FAM178B: variants seen among roughly 807,000 people sequenced by gnomAD.
FAM178B encodes family with sequence similarity 178 member B, also known as protein FAM178B.
In FAM178B, 82 loss-of-function variants were observed where a neutral mutation model predicts 91.7. That is an observed-to-expected ratio of 0.89 (90% CI 0.75 to 1.07). FAM178B has a LOEUF of 1.07. FAM178B is among the 50% of genes least tolerant of loss of function. The pLI, the probability that FAM178B is intolerant of heterozygous loss-of-function variation, is 0.00. For synonymous variants in FAM178B, 368 were observed against 359.4 expected, an observed-to-expected ratio of 1.02 and a Z score of -0.27; for missense variants, 769 against 846.7, an observed-to-expected ratio of 0.91 and a Z score of 1.14.
At chr2:96,957,896 C>T (rs1429765304) in intron 6 of FAM178B, among the ~76,000 whole-genome samples, 2 of 151,946 alleles carry the variant, frequency 1.3e-5, no homozygotes, top group Admixed American at 6.6e-5. Context: ...CCCAATATTC[C>T]CCGCCGTATT....
chr2:96,923,519 A>G lies in FAM178B; in HGVS notation c.1258T>C (p.Leu420=). 1 of 1,551,672 alleles carries G rather than the reference A, an allele frequency of 6.4e-7. No individual in the cohort carries two copies. The highest frequency in any genetic ancestry group is 1.2e-5 in the South Asian group (1 of 84,062). ...TAGATGTGGCCCAGGCTGATGTCCA[A>G]GGCAATCTCTTGGGGAGCGTCCTGC... The part of the protein sequence containing the change: ...EEQDAPQEIA[L]DISLGHIYKF... The change falls in exon 10 of 17, where the codon TTG becomes CTG. Residue 420 remains leucine, a synonymous_variant. Coordinates refer to ENST00000490605, the MANE Select transcript of FAM178B (RefSeq NM_001122646.3).
chr2:96,878,740 G>A (rs747504270), intron 14 of FAM178B, among the ~76,000 whole-genome samples: 1 of 152,180 alleles, frequency 6.6e-6, no homozygotes, highest in African/African-American at 2.4e-5. Flanking sequence ...CTCTGATGAA[G>A]GGCCAACCTC....
At chr2:96,909,142 CAAAAAAA>C (rs368745154) in intron 12 of FAM178B, among the ~76,000 whole-genome samples, 737 of 77,428 alleles carry the variant, frequency 9.5e-3, no homozygotes, top group Non-Finnish European at 0.015. Flanking sequence ...GACTCTGTCT[CAAAAAAA>C]AAAAAAAAAA....
intron 12 of FAM178B, among the ~76,000 whole-genome samples, chr2:96,904,541 ATTTT>A (rs11284849): frequency 1.1e-4 from 11 of 96,646 alleles, no homozygotes; most frequent in East Asian, 6.0e-4. Context: ...ATGCCTGGCT[ATTTT>A]TTTTTTTTTT....
chr2:96,895,047 C>T (rs1405566515), intron 13 of FAM178B: 1 of 1,288,470 alleles, frequency 7.8e-7, no homozygotes, highest in Admixed American at 2.3e-5. Context: ...ACTAAGTCCC[C>T]AACAGTCCAT....
At chr2:96,966,365 A>C (rs978719566) in intron 5 of FAM178B, among the ~76,000 whole-genome samples, 4 of 151,760 alleles carry the variant, frequency 2.6e-5, no homozygotes, top group Non-Finnish European at 4.4e-5. Context: ...AGCCCACATG[A>C]TTAGAGCCCA....
chr2:96,941,474 G>A (rs1248305991), intron 8 of FAM178B, among the ~76,000 whole-genome samples: 3 of 152,184 alleles, frequency 2.0e-5, no homozygotes, highest in Non-Finnish European at 4.4e-5. Context: ...CCCACAAAAT[G>A]AGGCCTGTAC....
chr2:96,921,619 G>A lies in FAM178B; in HGVS notation c.1323C>T (p.Ala441=). 1 of 1,551,632 alleles carries A rather than the reference G, an allele frequency of 6.4e-7. No homozygotes were observed. The highest frequency in any genetic ancestry group is 8.7e-7 in the Non-Finnish European group (1 of 1,146,994). ...LALCAQAQPG[A]YTDENLMGLI... ...GTCCCATGAGGTTCTCATCAGTGTA[G>A]GCCCCCGGCTGGGCCTGGGCACACA... The change falls in exon 11 of 17, where the codon GCC becomes GCT. Residue 441 remains alanine, a synonymous_variant. Coordinates refer to ENST00000490605, the MANE Select transcript of FAM178B (RefSeq NM_001122646.3).
rs371885604 is a variant in FAM178B at position 96,889,677 on chromosome 2, CAAATAAAT to C, written c.1776+4241_1776+4248del. Among the ~76,000 whole-genome samples the C allele has an allele frequency of 3.7e-3, 466 of 126,586 alleles. 2 individuals are homozygous for C. Among genetic ancestry groups the C allele is most frequent in the Middle Eastern group, 7.5e-3 (2 of 266 alleles). 83.0% of individuals were successfully genotyped at this position (126,586 alleles called of 152,430 possible). A position where few individuals can be genotyped will look rare whatever the true frequency, so the allele number is the denominator to read the frequency against. ...TGGGTGACAGAGCAAGACTCTGTCTCAAATAAATAAATAAATAAATAAATAAATAAATA... is the reference window on the plus strand; with the variant it reads ...TGGGTGACAGAGCAAGACTCTGTCTCAAATAAATAAATAAATAAATAAATA... On this transcript the variant is annotated intron_variant, in intron 14 of 16. Transcript: ENST00000490605.
intron 5 of FAM178B, among the ~76,000 whole-genome samples, chr2:96,962,428 CAA>C (rs1491057983): frequency 1.3e-4 from 2 of 15,392 alleles, no homozygotes; most frequent in African/African-American, 3.6e-4. Context: ...GACTTCGTCT[CAA>C]GAAAAAAAAA....
chr2:96,913,013 G>A (rs1472698564), intron 12 of FAM178B, among the ~76,000 whole-genome samples: 2 of 152,236 alleles, frequency 1.3e-5, no homozygotes, highest in Non-Finnish European at 2.9e-5. Flanking sequence ...GGTGGAGACA[G>A]AACGGCTGTT....
intron 14 of FAM178B, among the ~76,000 whole-genome samples, chr2:96,887,234 A>G (rs577995435): frequency 6.6e-5 from 10 of 152,048 alleles, no homozygotes; most frequent in Non-Finnish European, 1.5e-4. Flanking sequence ...CAACAACAAC[A>G]ACAACAAACC....
At chr2:96,908,054 C>T (rs72811655) in intron 12 of FAM178B, among the ~76,000 whole-genome samples, 2 of 152,356 alleles carry the variant, frequency 1.3e-5, no homozygotes, top group Non-Finnish European at 2.9e-5. Context: ...CAGCCACCTG[C>T]TCGGCACTCC....
chr2:96,922,194 TA>T (rs1362934260), intron 10 of FAM178B, among the ~76,000 whole-genome samples: 1 of 152,188 alleles, frequency 6.6e-6, no homozygotes, highest in Non-Finnish European at 1.5e-5. Context: ...CTATATGGTC[TA>T]AAAAGGGTAA....
At chr2:96,893,866 C>T in intron 14 of FAM178B, 60 bp downstream of exon 14, 3 of 1,568,356 alleles carry the variant, frequency 1.9e-6, no homozygotes, top group Non-Finnish European at 2.6e-6. Flanking sequence ...CCTGCCTTTC[C>T]CTGCTACCTG....
chr2:96,974,178 C>T (rs1033123612), intron 1 of FAM178B, among the ~76,000 whole-genome samples: 6 of 151,176 alleles, frequency 4.0e-5, no homozygotes, highest in South Asian at 2.1e-4. Context: ...GTCAGGAGAT[C>T]GAGACCATCC....
chr2:96,921,719 C>T, intron 10 of FAM178B, 65 bp from the exon 11 acceptor site: 1 of 1,488,984 alleles, frequency 6.7e-7, no homozygotes, highest in Admixed American at 2.0e-5. Flanking sequence ...CTTCGAGGAC[C>T]AGTTCCCTGG....
At chr2:96,965,192 G>A (rs1209475547) in intron 5 of FAM178B, among the ~76,000 whole-genome samples, 1 of 151,912 alleles carries the variant, frequency 6.6e-6, no homozygotes, top group Middle Eastern at 3.2e-3. Flanking sequence ...TAGAGACAGG[G>A]TTCAGGGTTT....
At chr2:96,914,113 G>A (rs2081202997) in intron 12 of FAM178B, among the ~76,000 whole-genome samples, 1 of 152,256 alleles carries the variant, frequency 6.6e-6, no homozygotes, top group Non-Finnish European at 1.5e-5. Context: ...GCAGACATGG[G>A]GGAGATGGAC....
Sources: allele counts gnomAD v4.1 joint callset (sites outside exome capture counted in the v4.1 genomes callset), GRCh38; gene constraint gnomAD v4.1.1; transcripts MANE v1.5; gene names NCBI Gene and HGNC (gene_info 2026-07-23, HGNC 2026-07-21).